SORCS3: variants seen among roughly 807,000 people sequenced by gnomAD.
The protein encoded by SORCS3 is VPS10 domain-containing receptor SorCS3.
SORCS3 carries 57 observed loss-of-function variants against 146.3 expected under a neutral mutation model. That is an observed-to-expected ratio of 0.39 (90% CI 0.31 to 0.49). The LOEUF (loss-of-function observed/expected upper bound fraction) is 0.49, where lower values mean the gene tolerates loss of function less well. SORCS3 is among the 20% of genes least tolerant of loss of function. The pLI is 0.92. For missense variants in SORCS3, 1,341 were observed against 1,575.5 expected (o/e 0.85, Z 2.52); for synonymous variants, 653 against 618.5 (o/e 1.06, Z -0.83).
intron 4 of SORCS3, among the ~76,000 whole-genome samples, chr10:104,992,973 A>G (rs946554983): frequency 2.6e-5 from 4 of 152,096 alleles, no homozygotes; most frequent in Admixed American, 1.3e-4. Flanking sequence ...GAGGACCTGT[A>G]TAAAGGTTAT....
intron 1 of SORCS3, among the ~76,000 whole-genome samples, chr10:104,656,231 A>G (rs1239861428): frequency 6.6e-6 from 1 of 152,038 alleles, no homozygotes; most frequent in African/African-American, 2.4e-5. Context: ...GGCAGGGAGG[A>G]GCAAGGTATT....
At chr10:104,722,406 C>T (rs549543612) in intron 1 of SORCS3, among the ~76,000 whole-genome samples, 16 of 152,188 alleles carry the variant, frequency 1.1e-4, no homozygotes, top group Admixed American at 2.0e-4. Flanking sequence ...ATTTTTGCAT[C>T]GATGTTCATC....
intron 1 of SORCS3, among the ~76,000 whole-genome samples, chr10:104,754,696 T>G (rs1245068270): frequency 6.6e-6 from 1 of 152,234 alleles, no homozygotes; most frequent in East Asian, 1.9e-4. Flanking sequence ...GAAATGATTC[T>G]CATCAAGCTT....
intron 1 of SORCS3, among the ~76,000 whole-genome samples, chr10:104,834,867 C>T (rs2018048038): frequency 6.6e-6 from 1 of 151,696 alleles, no homozygotes; most frequent in African/African-American, 2.4e-5. Flanking sequence ...TGTAGTACAC[C>T]CCAACACATT....
chr10:104,855,716 A>AGTGTGTGTGTGTGT (rs58569291), intron 2 of SORCS3, among the ~76,000 whole-genome samples: 65 of 150,752 alleles, frequency 4.3e-4, no homozygotes, highest in African/African-American at 1.2e-3. Context: ...TTTGCTTTTG[A>AGTGTGTGTGTGTGT]GTGTGTGTGT....
chr10:104,846,324 A>G (rs2133549673), intron 2 of SORCS3, among the ~76,000 whole-genome samples: 1 of 152,232 alleles, frequency 6.6e-6, no homozygotes, highest in Admixed American at 6.5e-5. Context: ...ATAATGATGT[A>G]TTTTATAGTT....
At chr10:105,137,647 T>C (rs1364949127) in intron 7 of SORCS3, among the ~76,000 whole-genome samples, 4 of 152,140 alleles carry the variant, frequency 2.6e-5, no homozygotes, top group Non-Finnish European at 5.9e-5. Context: ...CAAAGTGTGG[T>C]TCCCAGACCA....
At chr10:105,066,691 A>G (rs7072802) in intron 5 of SORCS3, among the ~76,000 whole-genome samples, 6 of 152,136 alleles carry the variant, frequency 3.9e-5, no homozygotes, top group African/African-American at 1.4e-4. Context: ...TTGATTAGCC[A>G]AGAAGCCTTT....
At chr10:105,241,121 A>G (rs1051744970) in intron 20 of SORCS3, among the ~76,000 whole-genome samples, 8 of 152,064 alleles carry the variant, frequency 5.3e-5, no homozygotes, top group Admixed American at 3.9e-4. Flanking sequence ...TCTTGACTAA[A>G]TTCTTAGGGT....
intron 1 of SORCS3, among the ~76,000 whole-genome samples, chr10:104,819,496 C>T (rs767731222): frequency 1.5e-4 from 23 of 152,164 alleles, no homozygotes; most frequent in South Asian, 4.1e-4. Context: ...CCACAATACC[C>T]GATAAATCCT....
chr10:105,080,281 G>T (rs192856010), intron 5 of SORCS3, among the ~76,000 whole-genome samples: 3 of 152,198 alleles, frequency 2.0e-5, no homozygotes, highest in Non-Finnish European at 4.4e-5. Context: ...TCTCACAGTG[G>T]TTCTGATTTG....
At chr10:105,242,484 TTATATATTTATA>T (rs1564793511) in intron 20 of SORCS3, among the ~76,000 whole-genome samples, 1 of 80,730 alleles carries the variant, frequency 1.2e-5, no homozygotes, top group African/African-American at 5.3e-5. Context: ...ATTTATATAT[TTATATATTTATA>T]TATATTTATA....
chr10:104,656,489 A>C (rs1408402944), intron 1 of SORCS3, among the ~76,000 whole-genome samples: 1 of 151,958 alleles, frequency 6.6e-6, no homozygotes, highest in Non-Finnish European at 1.5e-5. Context: ...TCTCTGCAAA[A>C]AATACACACA....
At chr10:104,815,571 T>C (rs896468240) in intron 1 of SORCS3, among the ~76,000 whole-genome samples, 3 of 152,014 alleles carry the variant, frequency 2.0e-5, no homozygotes, top group Non-Finnish European at 4.4e-5. Flanking sequence ...TCCTAATTAT[T>C]CAAAAATATT....
intron 8 of SORCS3, among the ~76,000 whole-genome samples, chr10:105,144,671 TC>T (rs2056118328): frequency 2.0e-5 from 3 of 152,114 alleles, no homozygotes; most frequent in Non-Finnish European, 4.4e-5. Flanking sequence ...AAAGTCCCAG[TC>T]TAAATTTACT....
At chr10:105,074,295 C>T (rs952614653) in intron 5 of SORCS3, among the ~76,000 whole-genome samples, 1 of 152,096 alleles carries the variant, frequency 6.6e-6, no homozygotes, top group African/African-American at 2.4e-5. Context: ...TAGACAAGTC[C>T]CTAGCTCATC....
At chr10:104,895,741 C>A (rs146207465) in intron 2 of SORCS3, among the ~76,000 whole-genome samples, 1 of 152,176 alleles carries the variant, frequency 6.6e-6, no homozygotes, top group African/African-American at 2.4e-5. Flanking sequence ...TGCCTGTACA[C>A]GCTTACATGT....
chr10:105,109,590 CATTTCTCAGGGT>C, intron 7 of SORCS3, among the ~76,000 whole-genome samples: 1 of 152,130 alleles, frequency 6.6e-6, no homozygotes, highest in East Asian at 1.9e-4. Flanking sequence ...ATTTTAATAT[CATTTCTCAGGGT>C]ATAAAATGTA....
chr10:105,078,008 T>A lies in SORCS3; in HGVS notation c.1029-11767T>A, dbSNP rs572645367. Among the ~76,000 whole-genome samples the A allele has an allele frequency of 4.6e-5, 7 of 152,344 alleles. No homozygotes were observed. The South Asian group carries it at 1.2e-3, about 27-fold the overall frequency. ...TGAGCTGGATGAGATCCCTGAGTTC[T>A]TGCTGCCCTAGCGTTTTCACAGGAC... On this transcript the variant is annotated intron_variant, in intron 5 of 26. Coordinates refer to ENST00000369701, the MANE Select transcript of SORCS3 (RefSeq NM_014978.3).
Sources: allele counts gnomAD v4.1 joint callset (sites outside exome capture counted in the v4.1 genomes callset), GRCh38; gene constraint gnomAD v4.1.1; transcripts MANE v1.5; gene names NCBI Gene and HGNC (gene_info 2026-07-23, HGNC 2026-07-21).